ETFRF1: variants seen among roughly 807,000 people sequenced by gnomAD.
ETFRF1 encodes the protein electron transfer flavoprotein regulatory factor 1, also known as LYR motif containing 5.
A neutral mutation model predicts 9.0 loss-of-function variants in ETFRF1; 12 were observed. That is an observed-to-expected ratio of 1.34 (90% CI 0.86 to 2.16). ETFRF1 has a LOEUF of 2.16. Ranked by LOEUF, ETFRF1 falls within the 30% of genes most tolerant of loss-of-function variation. The pLI is 0.00. For missense variants in ETFRF1, 98 were observed against 101.8 expected (o/e 0.96, Z 0.16); for synonymous variants, 34 against 33.2 (o/e 1.02, Z -0.08).
In ETFRF1 at chr12:25,204,503, A is replaced by G; in HGVS notation, c.*191A>G. 4.6e-6 allele frequency: 2 copies of G among 430,894 alleles called. No homozygotes were observed. The highest frequency in any genetic ancestry group is 1.4e-4 in the South Asian group (2 of 14,740). The allele number at this position is 430,894 out of a possible 1,614,324, so 26.7% of individuals were successfully genotyped here. ...CAGCAACTTTATGCTCAATTTTGAT[A>G]CAAACATAGCAATTTAGCTATACTA... On this transcript the variant is annotated 3_prime_UTR_variant, in exon 3 of 3. Transcript: ENST00000381356.
chr12:25,202,256 C>T (rs1325647430), intron 1 of ETFRF1, among the ~76,000 whole-genome samples: 1 of 151,300 alleles, frequency 6.6e-6, no homozygotes, highest in African/African-American at 2.4e-5. Flanking sequence ...TTGCTTCCTG[C>T]TTGCCTATCA....
At position 25,205,100 on chromosome 12, in the gene ETFRF1, C is replaced by G; in HGVS notation, c.*788C>G. 4.6e-6 allele frequency: 1 copy of G among 215,822 alleles called. No individual in the cohort carries two copies. The highest frequency in any genetic ancestry group is 9.4e-6 in the Non-Finnish European group (1 of 106,670). The allele number at this position is 215,822 out of a possible 1,614,324, so 13.4% of individuals were successfully genotyped here. A position where few individuals can be genotyped will look rare whatever the true frequency, so the allele number is the denominator to read the frequency against. ...AAGCAAACACGCCTTTACATAATAT[C>G]CACAGCACCTTTTAGAAATAAAGGA... On this transcript the variant is annotated 3_prime_UTR_variant, in exon 3 of 3. Transcript: ENST00000381356.
At chr12:25,196,196 G>C (rs1950999269) in intron 1 of ETFRF1, 1 of 152,168 alleles carries the variant, frequency 6.6e-6, no homozygotes, top group Non-Finnish European at 1.5e-5. Flanking sequence ...TTGTGTAATA[G>C]TTATTAGCAT....
At chr12:25,199,887 G>T (rs1191204163) in intron 1 of ETFRF1, among the ~76,000 whole-genome samples, 1 of 152,060 alleles carries the variant, frequency 6.6e-6, no homozygotes, top group African/African-American at 2.4e-5. Context: ...AGAACACTTG[G>T]AAGAAGAAAA....
chr12:25,199,619 T>TAC (rs56221882), intron 1 of ETFRF1, among the ~76,000 whole-genome samples: 5,448 of 143,586 alleles, frequency 0.038, 130 homozygotes, highest in African/African-American at 0.067. Flanking sequence ...TATGTATACA[T>TAC]ACACACACAC....
Position 25,205,059 on chromosome 12 carries a change from A to G in ETFRF1, c.*747A>G, listed in dbSNP as rs1178651374. ...AGATTTGTTTTGCATCTACTTCTAA[A>G]TATGGTTTTAAGTTTAAGCAAACAC... On this transcript the variant is annotated 3_prime_UTR_variant, in exon 3 of 3. Coordinates refer to ENST00000381356, the MANE Select transcript of ETFRF1 (RefSeq NM_001001660.3). 4.7e-6 allele frequency: 1 copy of G among 212,920 alleles called. No individual in the cohort carries two copies. Among genetic ancestry groups the G allele is most frequent in the Non-Finnish European group, 9.5e-6 (1 of 104,928 alleles). 13.2% of individuals were successfully genotyped at this position (212,920 alleles called of 1,614,324 possible). A position where few individuals can be genotyped will look rare whatever the true frequency, so the allele number is the denominator to read the frequency against.
At chr12:25,201,556 G>A (rs780840693) in intron 1 of ETFRF1, among the ~76,000 whole-genome samples, 2 of 152,042 alleles carry the variant, frequency 1.3e-5, no homozygotes, top group Non-Finnish European at 2.9e-5. Flanking sequence ...TAAGACTTTT[G>A]TTTCATAACT....
chr12:25,204,357 T>A lies in ETFRF1; in HGVS notation c.*45T>A, dbSNP rs757634263. 7 of 1,386,266 alleles carry A rather than the reference T, an allele frequency of 5.0e-6. No individual in the cohort carries two copies. The African/African-American group carries it at 1.0e-4, about 20-fold the overall frequency. The allele number at this position is 1,386,266 out of a possible 1,614,324, so 85.9% of individuals were successfully genotyped here. On this transcript the variant is annotated 3_prime_UTR_variant, in exon 3 of 3. Coordinates refer to ENST00000381356, the MANE Select transcript of ETFRF1 (RefSeq NM_001001660.3). ...GCTATCAGTGCCAGCTGTTTATGTA[T>A]ACCAGATGTTGTAAAATAATTCTAA... is the stretch of plus-strand genomic sequence containing the variant.
chr12:25,203,140 A>G (rs1042210364), intron 1 of ETFRF1, among the ~76,000 whole-genome samples: 4 of 152,214 alleles, frequency 2.6e-5, no homozygotes, highest in African/African-American at 9.6e-5. Context: ...AATGGAACAA[A>G]TTGCAGTTGC....
intron 1 of ETFRF1, among the ~76,000 whole-genome samples, chr12:25,201,427 T>A (rs111671510): frequency 1.3e-5 from 2 of 152,130 alleles, no homozygotes; most frequent in African/African-American, 4.8e-5. Flanking sequence ...AAATTAAATA[T>A]TTAGGGCAAT....
At chr12:25,197,255 G>A (rs1405943693) in intron 1 of ETFRF1, among the ~76,000 whole-genome samples, 1 of 152,160 alleles carries the variant, frequency 6.6e-6, no homozygotes, top group African/African-American at 2.4e-5. Flanking sequence ...CTGGGCAAGT[G>A]TTTTATGATA....
At chr12:25,199,827 T>A (rs1951060888) in intron 1 of ETFRF1, among the ~76,000 whole-genome samples, 1 of 152,182 alleles carries the variant, frequency 6.6e-6, no homozygotes, top group South Asian at 2.1e-4. Flanking sequence ...GAGAGCAATC[T>A]GAGTGGTCAA....
intron 1 of ETFRF1, among the ~76,000 whole-genome samples, chr12:25,202,596 C>G (rs1445141131): frequency 1.3e-5 from 2 of 152,006 alleles, no homozygotes; most frequent in African/African-American, 4.8e-5. Flanking sequence ...AAGAGAAGAC[C>G]ATGCATGTGG....
intron 1 of ETFRF1, among the ~76,000 whole-genome samples, chr12:25,197,524 G>A (rs1951040551): frequency 6.6e-6 from 1 of 152,136 alleles, no homozygotes; most frequent in South Asian, 2.1e-4. Flanking sequence ...TGGAGTGGTG[G>A]AACAATCACG....
At chr12:25,202,317 T>C (rs558050352) in intron 1 of ETFRF1, among the ~76,000 whole-genome samples, 1 of 151,736 alleles carries the variant, frequency 6.6e-6, no homozygotes, top group East Asian at 1.9e-4. Flanking sequence ...GGCAGGCATC[T>C]GGGGAAGGTG....
rs531877762 is a variant in ETFRF1 at position 25,198,761 on chromosome 12, A to G, written c.-38+3424A>G. 1.5e-4 allele frequency among the ~76,000 whole-genome samples: 23 copies of G among 152,266 alleles called. No homozygotes were observed. The South Asian group carries it at 4.8e-3, about 31-fold the overall frequency. ...ATGTAGAAGTATTTTTTTCCCTAGG[A>G]AAGAGGAGCCAGAAAAGCAGTAAAT... On this transcript the variant is annotated intron_variant, in intron 1 of 2. Coordinates refer to ENST00000381356, the MANE Select transcript of ETFRF1 (RefSeq NM_001001660.3).
intron 1 of ETFRF1, among the ~76,000 whole-genome samples, chr12:25,201,161 AG>A (rs1235307809): frequency 1.3e-5 from 2 of 152,222 alleles, no homozygotes; most frequent in Admixed American, 1.3e-4. Flanking sequence ...AGCTTAAAGC[AG>A]AAAATAGCCT....
intron 1 of ETFRF1, among the ~76,000 whole-genome samples, chr12:25,200,484 TG>T (rs1241209858): frequency 1.3e-5 from 2 of 152,214 alleles, no homozygotes; most frequent in African/African-American, 4.8e-5. Context: ...GAGAAGATTC[TG>T]TAAGTTTCTG....
chr12:25,204,077 CT>C lies in ETFRF1; in HGVS notation c.52-11del. 1 of 1,556,122 alleles carries C rather than the reference CT, an allele frequency of 6.4e-7. No individual in the cohort carries two copies. The highest frequency in any genetic ancestry group is 8.7e-7 in the Non-Finnish European group (1 of 1,148,670). On this transcript the variant is annotated splice_polypyrimidine_tract_variant and intron_variant, in intron 2 of 2. Coordinates refer to ENST00000381356, the MANE Select transcript of ETFRF1 (RefSeq NM_001001660.3). ...CATGGATTGTTTAGAAATATATAAT[CT>C]TTCTTTTTGAAGCTGCTGTATCTTG...
Sources: allele counts gnomAD v4.1 joint callset (sites outside exome capture counted in the v4.1 genomes callset), GRCh38; gene constraint gnomAD v4.1.1; transcripts MANE v1.5; gene names NCBI Gene and HGNC (gene_info 2026-07-23, HGNC 2026-07-21).